Variants in LOXL4 observed in about 807,000 individuals in gnomAD.
LOXL4 encodes the protein lysyl oxidase homolog 4.
A neutral mutation model predicts 89.1 loss-of-function variants in LOXL4; 72 were observed. The observed-to-expected ratio is 0.81, with a 90% CI of 0.67 to 0.98. The LOEUF is 0.98. LOXL4 is among the 50% of genes least tolerant of loss of function. The pLI is 0.00. For synonymous variants in LOXL4, 355 were observed against 392.1 expected, an observed-to-expected ratio of 0.91 and a Z score of 1.12; for missense variants, 984 against 1,017.5, an observed-to-expected ratio of 0.97 and a Z score of 0.45.
intron 1 of LOXL4, among the ~76,000 whole-genome samples, 178 bp downstream of exon 1, chr10:98,267,954 G>A (rs1224731818): frequency 6.6e-6 from 1 of 152,184 alleles, no homozygotes; most frequent in Admixed American, 6.5e-5. Context: ...TTGTCCAGTT[G>A]GAAGCAGGTT....
chr10:98,266,667 T>C (rs1191438652), intron 1 of LOXL4, among the ~76,000 whole-genome samples: 4 of 152,266 alleles, frequency 2.6e-5, no homozygotes, highest in South Asian at 2.1e-4. Flanking sequence ...TCCTGCCCAC[T>C]ATAGGCCCCC....
intron 1 of LOXL4, among the ~76,000 whole-genome samples, chr10:98,266,121 G>T (rs1429411443): frequency 3.3e-5 from 5 of 152,064 alleles, no homozygotes; most frequent in Admixed American, 6.5e-5. Context: ...AGACAGCCAG[G>T]GACTGAGCCA....
rs180772291 is a variant in LOXL4, at chr10:98,252,926, C to T, written c.1836-458G>A. ...AGGGAAAGGTGCTTATTATCTCAGG[C>T]GAGACCAAGTCCCAAAGTCATTGCC... is the stretch of plus-strand genomic sequence containing the variant. On this transcript the variant is annotated intron_variant, in intron 11 of 14. Coordinates refer to ENST00000260702, the MANE Select transcript of LOXL4 (RefSeq NM_032211.7). Among the ~76,000 whole-genome samples the T allele has an allele frequency of 5.3e-5, 8 of 152,338 alleles. 1 individual carries two copies. In the East Asian group the frequency reaches 1.4e-3, roughly 26 times the overall value.
chr10:98,267,526 G>A (rs577386157), intron 1 of LOXL4, among the ~76,000 whole-genome samples: 1 of 152,262 alleles, frequency 6.6e-6, no homozygotes, highest in African/African-American at 2.4e-5. Flanking sequence ...CTTCTCTGCC[G>A]TTGGGCAGCT....
intron 1 of LOXL4, among the ~76,000 whole-genome samples, chr10:98,265,371 CTATTATTATTATTATTATTATTAT>C (rs148906358): frequency 8.4e-6 from 1 of 118,776 alleles, no homozygotes; most frequent in Non-Finnish European, 1.8e-5. Context: ...TAACAATGAA[CTATTATTATTATTATTATTATTAT>C]TATTATTATT....
intron 13 of LOXL4, 86 bp downstream of exon 13, chr10:98,251,480 A>T (rs1310175435): frequency 6.4e-7 from 1 of 1,556,244 alleles, no homozygotes; most frequent in Non-Finnish European, 8.7e-7. Context: ...CTGTATGGGA[A>T]ATTCTTCCCT....
Position 98,262,747 on chromosome 10 carries a change from C to T in LOXL4, c.273G>A (p.Gly91=). Residue 91 remains glycine (G), a synonymous_variant, in exon 2 of 15, where the codon GGG becomes GGA. Coordinates refer to ENST00000260702, the MANE Select transcript of LOXL4 (RefSeq NM_032211.7). ...TWAHSAKYGQ[G]EGPIWLDNVR... is the part of the protein sequence containing the mutation. ...TAGGTGGCACCAGTCACTCACCCTC[C>T]CCTTGGCCGTACTTGGCACTGTGGG... 2.5e-6 allele frequency: 4 copies of T among 1,611,816 alleles called. No homozygotes were observed. The highest frequency in any genetic ancestry group is 3.4e-6 in the Non-Finnish European group (4 of 1,178,964).
chr10:98,264,242 A>G (rs1858627200), intron 1 of LOXL4, among the ~76,000 whole-genome samples: 1 of 150,576 alleles, frequency 6.6e-6, no homozygotes, highest in Non-Finnish European at 1.5e-5. Context: ...AGCTCAAGCA[A>G]GAAGAATTAG....
chr10:98,256,737 G>A lies in LOXL4; in HGVS notation c.1428+43C>T, dbSNP rs1359874678. 1.9e-6 allele frequency: 3 copies of A among 1,611,500 alleles called. No individual in the cohort carries two copies. The Admixed American group carries it at 5.0e-5, about 27-fold the overall frequency. ...ACAGGAAGTTTTGGGCCTCAGAACA[G>A]GAGGGTGAGAGGTCATACGGAAGAA... On this transcript the variant is annotated intron_variant, in intron 9 of 14. Coordinates refer to ENST00000260702, the MANE Select transcript of LOXL4 (RefSeq NM_032211.7).
At chr10:98,251,040 T>C (rs766247903) in intron 14 of LOXL4, 25 bp downstream of exon 14, 2 of 1,557,084 alleles carry the variant, frequency 1.3e-6, no homozygotes, top group South Asian at 2.2e-5. Flanking sequence ...TATAGATGGC[T>C]GATTCCACAG....
At position 98,257,924 on chromosome 10, in the gene LOXL4, G is replaced by A; in HGVS notation, c.1105+57C>T. The A allele has an allele frequency of 2.5e-6, 4 of 1,594,434 alleles. No homozygotes were observed. In the Middle Eastern group the frequency reaches 5.0e-4, roughly 200 times the overall value. On this transcript the variant is annotated intron_variant, in intron 7 of 14. Transcript: ENST00000260702. Reference sequence around the variant, plus strand: ...GGCCCTGTCACCCCAGGGCCTTCAAGACATGGACCAGTGGCATATCCAGGC... The same window carrying A: ...GGCCCTGTCACCCCAGGGCCTTCAAAACATGGACCAGTGGCATATCCAGGC...
Position 98,251,045 on chromosome 10 carries a change from C to T in LOXL4, c.2200+20G>A. 1 of 1,583,068 alleles carries T rather than the reference C, an allele frequency of 6.3e-7. No individual in the cohort carries two copies. Among genetic ancestry groups the T allele is most frequent in the Non-Finnish European group, 8.7e-7 (1 of 1,151,996 alleles). ...TCCCTGAGCCTATAGATGGCTGATTCCACAGTGGCTCGGAGTTACCTGTGT... is the reference window on the plus strand; with the variant it reads ...TCCCTGAGCCTATAGATGGCTGATTTCACAGTGGCTCGGAGTTACCTGTGT... On this transcript the variant is annotated intron_variant, in intron 14 of 14. Coordinates refer to ENST00000260702, the MANE Select transcript of LOXL4 (RefSeq NM_032211.7).
Position 98,259,106 on chromosome 10 carries a change from G to C in LOXL4, c.824C>G (p.Ala275Gly), listed in dbSNP as rs1447308026. ...CACAGCGTGCATGCCACCTGGGCAGGCTGGCCGCAGCTTGCCCCGGGCTGG... is the reference window on the plus strand; with the variant it reads ...CACAGCGTGCATGCCACCTGGGCAGCCTGGCCGCAGCTTGCCCCGGGCTGG... ...VAPARGKLRP[A>G]CPGGMHAVVS... The change falls in exon 6 of 15, where the codon GCC (alanine) becomes GGC (glycine). Residue 275 changes from alanine (A) to glycine (G), a missense_variant. By Grantham distance (60) the Ala-to-Gly change is moderately conservative. Coordinates refer to ENST00000260702, the MANE Select transcript of LOXL4 (RefSeq NM_032211.7). 3.1e-6 allele frequency: 5 copies of C among 1,604,734 alleles called. No individual in the cohort carries two copies. The highest frequency in any genetic ancestry group is 4.3e-6 in the Non-Finnish European group (5 of 1,175,944).
In LOXL4 at chr10:98,253,565, T is replaced by G. The variant is rs1858265490; in HGVS notation, c.1823A>C (p.His608Pro). 6.2e-7 allele frequency: 1 copy of G among 1,614,122 alleles called. No homozygotes were observed. Among genetic ancestry groups the G allele is most frequent in the African/African-American group, 1.3e-5 (1 of 74,956 alleles). Residue 608 changes from histidine to proline, a missense_variant, in exon 11 of 15, where the codon CAC (histidine) becomes CCC (proline). Coordinates refer to ENST00000260702, the MANE Select transcript of LOXL4 (RefSeq NM_032211.7). Reference sequence around the variant, plus strand: ...GGCAGGCTCTAACCTGTGGCACTGGTGCCAAACCCAGCTATCGCGTCCAGT... The same window carrying G: ...GGCAGGCTCTAACCTGTGGCACTGGGGCCAAACCCAGCTATCGCGTCCAGT... ...PKTGRDSWVWHQCHRHYHSIE... is the reference protein window; with the variant it reads ...PKTGRDSWVWPQCHRHYHSIE...
chr10:98,258,284 G>T, intron 6 of LOXL4, 120 bp from the exon 7 acceptor site: 1 of 1,002,452 alleles, frequency 1.0e-6, no homozygotes, highest in Non-Finnish European at 1.4e-6. Context: ...CAGAGCCAAG[G>T]ATGGGGAGTT....
intron 13 of LOXL4, 116 bp from the exon 14 acceptor site, chr10:98,251,292 C>CA: frequency 1.1e-6 from 1 of 884,770 alleles, no homozygotes; most frequent in South Asian, 1.5e-5. Flanking sequence ...TTAACAATTA[C>CA]CCAGGAGGTA....
At chr10:98,267,922 C>G (rs1002341582) in intron 1 of LOXL4, among the ~76,000 whole-genome samples, 45 of 152,128 alleles carry the variant, frequency 3.0e-4, no homozygotes, top group African/African-American at 1.1e-3. Context: ...GGGCCTTGGG[C>G]CAAGCTCCCC....
Position 98,251,196 on chromosome 10 carries a change from A to T in LOXL4, c.2089-20T>A. The T allele has an allele frequency of 6.4e-7, 1 of 1,557,254 alleles. No individual in the cohort carries two copies. The highest frequency in any genetic ancestry group is 1.4e-5 in the African/African-American group (1 of 74,028). Reference sequence around the variant, plus strand: ...AATCACCTAGAGTGAAAGAGGGGACAACTGAAAATGGGTGATTTGGTTTCT... The same window carrying T: ...AATCACCTAGAGTGAAAGAGGGGACTACTGAAAATGGGTGATTTGGTTTCT... On this transcript the variant is annotated intron_variant, in intron 13 of 14. Coordinates refer to ENST00000260702, the MANE Select transcript of LOXL4 (RefSeq NM_032211.7).
rs1446581810 is a variant in LOXL4 at position 98,259,432 on chromosome 10, G to T, written c.663-3C>A. The T allele has an allele frequency of 1.1e-5, 17 of 1,612,842 alleles. No individual in the cohort carries two copies. Among genetic ancestry groups the T allele is most frequent in the South Asian group, 2.2e-5 (2 of 90,726 alleles). Reference sequence around the variant, plus strand: ...TCATCTTCAGATCCCAGACTTTCCTGTTATGGGAGAAAACAGATAGGAGGT... The same window carrying T: ...TCATCTTCAGATCCCAGACTTTCCTTTTATGGGAGAAAACAGATAGGAGGT... On this transcript the variant is annotated splice_polypyrimidine_tract_variant and splice_region_variant and intron_variant, in intron 4 of 14. Coordinates refer to ENST00000260702, the MANE Select transcript of LOXL4 (RefSeq NM_032211.7).
Sources: allele counts gnomAD v4.1 joint callset (sites outside exome capture counted in the v4.1 genomes callset), GRCh38; gene constraint gnomAD v4.1.1; transcripts MANE v1.5; gene names NCBI Gene and HGNC (gene_info 2026-07-23, HGNC 2026-07-21).